Variants in NCAM2 observed in about 807,000 individuals in gnomAD.
NCAM2 encodes the protein neural cell adhesion molecule 2.
A neutral mutation model predicts 98.1 loss-of-function variants in NCAM2; 30 were observed. The ratio of observed to expected loss-of-function variants is 0.31; its 90% CI spans 0.23 to 0.41. The LOEUF (loss-of-function observed/expected upper bound fraction) is 0.41, where lower values mean the gene tolerates loss of function less well. Among genes scored for constraint, NCAM2 ranks in the 10% least tolerant of loss-of-function variants. The pLI is 1.00. For synonymous variants in NCAM2, 368 were observed against 342.4 expected, an observed-to-expected ratio of 1.07 and a Z score of -0.83; for missense variants, 867 against 1,005.8, an observed-to-expected ratio of 0.86 and a Z score of 1.87.
chr21:21,027,547 G>A (rs1036219989), intron 1 of NCAM2, among the ~76,000 whole-genome samples: 45 of 152,188 alleles, frequency 3.0e-4, no homozygotes, highest in African/African-American at 1.1e-3. Context: ...TATTTGACTA[G>A]TCTGCTTTCA....
intron 1 of NCAM2, among the ~76,000 whole-genome samples, chr21:21,225,582 A>G (rs748960173): frequency 6.6e-5 from 10 of 152,066 alleles, no homozygotes; most frequent in Non-Finnish European, 1.2e-4. Context: ...GGGTCAGAAT[A>G]TGTCTGCATA....
chr21:21,396,949 C>T (rs2076521923), intron 9 of NCAM2, among the ~76,000 whole-genome samples: 1 of 152,144 alleles, frequency 6.6e-6, no homozygotes, highest in African/African-American at 2.4e-5. Context: ...TGTTACAGCT[C>T]TTTCAGTCCC....
chr21:21,102,289 A>T (rs866800782), intron 1 of NCAM2, among the ~76,000 whole-genome samples: 3 of 152,056 alleles, frequency 2.0e-5, no homozygotes, highest in Non-Finnish European at 4.4e-5. Context: ...TTAAAATTGT[A>T]AAAAAAGTAC....
At chr21:21,104,074 CT>C (rs2066295932) in intron 1 of NCAM2, among the ~76,000 whole-genome samples, 1 of 152,146 alleles carries the variant, frequency 6.6e-6, no homozygotes, top group East Asian at 1.9e-4. Flanking sequence ...AGTATTATTT[CT>C]TTGCCTTTGG....
intron 1 of NCAM2, among the ~76,000 whole-genome samples, chr21:21,118,450 A>T (rs1220907425): frequency 2.0e-5 from 3 of 152,154 alleles, no homozygotes; most frequent in Non-Finnish European, 4.4e-5. Flanking sequence ...CTGCACTCTG[A>T]AGGCTTAGCC....
intron 1 of NCAM2, among the ~76,000 whole-genome samples, chr21:21,141,142 T>C (rs1172759532): frequency 1.3e-5 from 2 of 152,184 alleles, no homozygotes; most frequent in Non-Finnish European, 2.9e-5. Flanking sequence ...CACTTCATAA[T>C]TTCAAAACGT....
intron 1 of NCAM2, among the ~76,000 whole-genome samples, chr21:21,066,347 G>A (rs975880168): frequency 1.4e-4 from 21 of 152,232 alleles, no homozygotes; most frequent in African/African-American, 5.1e-4. Flanking sequence ...ATTTAAAAAT[G>A]ACACCTGATT....
intron 5 of NCAM2, among the ~76,000 whole-genome samples, chr21:21,303,359 C>T (rs960615003): frequency 2.0e-5 from 3 of 151,866 alleles, no homozygotes; most frequent in African/African-American, 7.3e-5. Context: ...TGTCATATAA[C>T]CGTGCAATAT....
intron 1 of NCAM2, among the ~76,000 whole-genome samples, chr21:21,205,519 T>C (rs766927424): frequency 6.6e-6 from 1 of 152,162 alleles, no homozygotes; most frequent in African/African-American, 2.4e-5. Context: ...TAGTGACACA[T>C]TATAAAGCCT....
intron 1 of NCAM2, among the ~76,000 whole-genome samples, chr21:21,018,216 C>G (rs1425604934): frequency 3.3e-5 from 5 of 152,120 alleles, no homozygotes; most frequent in Admixed American, 2.0e-4. Flanking sequence ...ACACCTCTCC[C>G]CACTATTTTT....
rs190953590 is a variant in NCAM2 at position 21,393,977 on chromosome 21, A to G, written c.1196-16297A>G. ...TTATCAAATTTTTCTTATGACCAGT[A>G]AATGTTTTATCATGAATGAAAGTCA... On this transcript the variant is annotated intron_variant, in intron 9 of 17. Coordinates refer to ENST00000400546, the MANE Select transcript of NCAM2 (RefSeq NM_004540.5). Among the ~76,000 whole-genome samples, 5 of 151,750 alleles carry G rather than the reference A, an allele frequency of 3.3e-5. No homozygotes were observed. In the East Asian group the frequency reaches 1.0e-3, roughly 30 times the overall value.
intron 1 of NCAM2, among the ~76,000 whole-genome samples, chr21:21,172,814 C>T (rs531704015): frequency 3.9e-5 from 6 of 152,032 alleles, no homozygotes; most frequent in East Asian, 3.9e-4. Flanking sequence ...TTAAAATTTA[C>T]GGACATCTGT....
chr21:21,311,403 C>T (rs935071185), intron 5 of NCAM2, among the ~76,000 whole-genome samples: 9 of 137,180 alleles, frequency 6.6e-5, no homozygotes, highest in African/African-American at 2.5e-4. Flanking sequence ...TGCAATGATG[C>T]AATCTCCGCT....
intron 15 of NCAM2, among the ~76,000 whole-genome samples, chr21:21,485,152 G>A (rs1228312472): frequency 6.6e-6 from 1 of 151,706 alleles, no homozygotes; most frequent in Non-Finnish European, 1.5e-5. Context: ...TCCCTTTGTT[G>A]AACCAAAATG....
At chr21:21,358,044 G>C (rs1422352912) in intron 8 of NCAM2, among the ~76,000 whole-genome samples, 4 of 152,094 alleles carry the variant, frequency 2.6e-5, no homozygotes, top group African/African-American at 9.7e-5. Context: ...ATAGATAATA[G>C]CATGCATTAC....
At position 21,373,851 on chromosome 21, in the gene NCAM2, C is replaced by G. The variant is rs770999316; in HGVS notation, c.1045-12C>G. The G allele has an allele frequency of 6.3e-7, 1 of 1,576,178 alleles. No homozygotes were observed. The highest frequency in any genetic ancestry group is 8.6e-7 in the Non-Finnish European group (1 of 1,163,506). On this transcript the variant is annotated splice_polypyrimidine_tract_variant and intron_variant, in intron 8 of 17. Coordinates refer to ENST00000400546, the MANE Select transcript of NCAM2 (RefSeq NM_004540.5). ...CATAAAATCTTTCTTTTTCCTGAAT[C>G]GATGTAAACAGAGCCTGGACGGCCG...
intron 1 of NCAM2, among the ~76,000 whole-genome samples, chr21:21,062,290 G>T (rs1327187938): frequency 2.0e-4 from 31 of 152,084 alleles, no homozygotes; most frequent in Admixed American, 2.0e-3. Context: ...AAAGTATTTT[G>T]TAGTCGTTTT....
At chr21:21,346,231 T>A (rs1249396804) in intron 8 of NCAM2, among the ~76,000 whole-genome samples, 75 of 128,174 alleles carry the variant, frequency 5.9e-4, no homozygotes, top group Admixed American at 3.9e-4. Flanking sequence ...AAAACAGGAG[T>A]CACTATACTT....
rs927008848 is a variant in NCAM2, at chr21:21,070,267, G to GTGTATA, written c.55+71650_55+71651insGTATAT. ...ATATAACCTGATATATGTACATAGT[G>GTGTATA]TATATATATATATATATATAATCTA... On this transcript the variant is annotated intron_variant, in intron 1 of 17. Transcript: ENST00000400546. Among the ~76,000 whole-genome samples the GTGTATA allele has an allele frequency of 1.7e-3, 251 of 145,240 alleles. 1 individual carries two copies. The highest frequency in any genetic ancestry group is 6.2e-3 in the African/African-American group (247 of 39,858).
Sources: allele counts gnomAD v4.1 joint callset (sites outside exome capture counted in the v4.1 genomes callset), GRCh38; gene constraint gnomAD v4.1.1; transcripts MANE v1.5; gene names NCBI Gene and HGNC (gene_info 2026-07-23, HGNC 2026-07-21).